MDGA2: variants seen among roughly 807,000 people sequenced by gnomAD.
MDGA2 encodes MAM domain containing glycosylphosphatidylinositol anchor 2, also known as MAM domain-containing glycosylphosphatidylinositol anchor protein 2.
A neutral mutation model predicts 117.8 loss-of-function variants in MDGA2; 40 were observed. The ratio of observed to expected loss-of-function variants is 0.34; its 90% CI spans 0.26 to 0.44. The LOEUF is 0.44. Ranked by LOEUF, MDGA2 falls within the 20% of genes least tolerant of loss-of-function variation. MDGA2 has a pLI of 1.00. For missense variants in MDGA2, 1,123 were observed against 1,250.6 expected (o/e 0.90, Z 1.54); for synonymous variants, 452 against 439.0 (o/e 1.03, Z -0.37).
intron 1 of MDGA2, among the ~76,000 whole-genome samples, chr14:47,440,611 C>T (rs996206829): frequency 6.6e-6 from 1 of 151,916 alleles, no homozygotes; most frequent in African/African-American, 2.4e-5. Flanking sequence ...CTGGTAGATA[C>T]CATAAAGTAA....
intron 8 of MDGA2, among the ~76,000 whole-genome samples, chr14:46,980,905 T>C (rs1886645364): frequency 6.6e-6 from 1 of 152,220 alleles, no homozygotes; most frequent in Non-Finnish European, 1.5e-5. Flanking sequence ...AAAAATTGTG[T>C]GACTTGCCTC....
chr14:47,336,923 T>C (rs1169183633), intron 1 of MDGA2, among the ~76,000 whole-genome samples: 3 of 152,054 alleles, frequency 2.0e-5, no homozygotes, highest in Non-Finnish European at 4.4e-5. Context: ...CAATGTATGC[T>C]TAATAATTAT....
chr14:47,383,682 G>A (rs888053057), intron 1 of MDGA2, among the ~76,000 whole-genome samples: 11 of 151,958 alleles, frequency 7.2e-5, no homozygotes, highest in Non-Finnish European at 1.2e-4. Context: ...GAGAGTACAG[G>A]CACCTGCCAC....
chr14:47,516,655 GT>G (rs1241107562), intron 1 of MDGA2, among the ~76,000 whole-genome samples: 1 of 152,192 alleles, frequency 6.6e-6, no homozygotes, highest in Non-Finnish European at 1.5e-5. Context: ...CAGCTGCCAT[GT>G]GGGAAGCTGA....
chr14:47,142,570 T>A (rs1184029089), intron 4 of MDGA2, among the ~76,000 whole-genome samples: 1 of 152,178 alleles, frequency 6.6e-6, no homozygotes, highest in Non-Finnish European at 1.5e-5. Context: ...GGAAAACATG[T>A]TTTCTAAATC....
rs116803721 is a variant in MDGA2, at chr14:47,566,158, G to A, written c.280+108359C>T. On this transcript the variant is annotated intron_variant, in intron 1 of 16. Transcript: ENST00000399232. ...AGTGTGTGCCAGTGAAGTAACACGG[G>A]CAGCTGTGGTGGAAGAAGGACATGT... Among the ~76,000 whole-genome samples the A allele has an allele frequency of 8.3e-3, 1,258 of 152,344 alleles. 14 individuals are homozygous for A. Among genetic ancestry groups the A allele is most frequent in the African/African-American group, 0.028 (1,173 of 41,582 alleles).
intron 7 of MDGA2, among the ~76,000 whole-genome samples, chr14:47,060,095 T>A (rs991012169): frequency 2.5e-4 from 38 of 152,136 alleles, no homozygotes; most frequent in African/African-American, 6.3e-4. Flanking sequence ...AGAATTTTTT[T>A]AAAAATGTTT....
Position 46,840,901 on chromosome 14 carries a change from T to G in MDGA2, c.*1030A>C, listed in dbSNP as rs368110846. On this transcript the variant is annotated 3_prime_UTR_variant, in exon 17 of 17. Transcript: ENST00000399232. ...TAATGGACAATAAGCCGAAAGGCCA[T>G]GGCTGTCTAGGAGGTTAAACAACAA... is the stretch of plus-strand genomic sequence containing the variant. 6.6e-6 allele frequency: 1 copy of G among 152,608 alleles called. No homozygotes were observed. Among genetic ancestry groups the G allele is most frequent in the African/African-American group, 2.4e-5 (1 of 41,456 alleles). The allele number at this position is 152,608 out of a possible 1,614,324, so 9.5% of individuals were successfully genotyped here.
At chr14:47,043,261 C>G (rs184636018) in intron 7 of MDGA2, among the ~76,000 whole-genome samples, 1 of 151,958 alleles carries the variant, frequency 6.6e-6, no homozygotes, top group Non-Finnish European at 1.5e-5. Context: ...AGGCAACACA[C>G]GGTTTGATGG....
intron 7 of MDGA2, among the ~76,000 whole-genome samples, chr14:47,039,948 G>A (rs1594555608): frequency 6.6e-6 from 1 of 151,934 alleles, no homozygotes; most frequent in East Asian, 1.9e-4. Context: ...TGCAAGATAA[G>A]GAATATGTTA....
chr14:47,666,100 G>C (rs1897953148), intron 1 of MDGA2, among the ~76,000 whole-genome samples: 1 of 152,058 alleles, frequency 6.6e-6, no homozygotes, highest in African/African-American at 2.4e-5. Context: ...TCTGTATCTA[G>C]CTCAAGGTTT....
Position 47,575,520 on chromosome 14 carries a change from G to A in MDGA2, c.280+98997C>T, listed in dbSNP as rs148638429. On this transcript the variant is annotated intron_variant, in intron 1 of 16. Transcript: ENST00000399232. ...ACTTGGAACTGCTGATTGACTGGCC[G>A]AACATGCTGACTATTAATACAAGTT... is the stretch of plus-strand genomic sequence containing the variant. Among the ~76,000 whole-genome samples, 69 of 152,248 alleles carry A rather than the reference G, an allele frequency of 4.5e-4. 1 individual carries two copies. The East Asian group carries it at 0.01, about 23-fold the overall frequency.
At chr14:47,449,734 C>A (rs887130303) in intron 1 of MDGA2, among the ~76,000 whole-genome samples, 1 of 152,062 alleles carries the variant, frequency 6.6e-6, no homozygotes. Flanking sequence ...AGAGCAAAAG[C>A]AAAGCTACCT....
chr14:46,983,291 T>C (rs1021282302), intron 8 of MDGA2, among the ~76,000 whole-genome samples: 103 of 152,282 alleles, frequency 6.8e-4, no homozygotes, highest in African/African-American at 2.4e-3. Context: ...TAGCTGAATC[T>C]CTCTAATATT....
At chr14:47,122,647 G>A (rs145456912) in intron 5 of MDGA2, among the ~76,000 whole-genome samples, 4 of 152,120 alleles carry the variant, frequency 2.6e-5, no homozygotes, top group Non-Finnish European at 5.9e-5. Context: ...TGATCATGGA[G>A]CTATTCTAAG....
intron 14 of MDGA2, among the ~76,000 whole-genome samples, chr14:46,873,167 G>T (rs1198183928): frequency 6.6e-6 from 1 of 151,848 alleles, no homozygotes. Context: ...CATGAGACCT[G>T]GTAAAGAATT....
intron 1 of MDGA2, among the ~76,000 whole-genome samples, chr14:47,555,798 G>T (rs1295130582): frequency 1.3e-5 from 2 of 151,872 alleles, no homozygotes; most frequent in Non-Finnish European, 2.9e-5. Context: ...TATCCATCTC[G>T]ACCCTTTGGT....
chr14:47,229,423 A>T (rs1206887883), intron 2 of MDGA2, among the ~76,000 whole-genome samples: 2 of 152,116 alleles, frequency 1.3e-5, no homozygotes, highest in East Asian at 1.9e-4. Context: ...GACAGAATTG[A>T]TGCTTATCTT....
At chr14:47,018,733 GAAAAAAAAAA>G (rs60442845) in intron 8 of MDGA2, among the ~76,000 whole-genome samples, 1,050 of 38,650 alleles carry the variant, frequency 0.027, 17 homozygotes, top group Admixed American at 0.044. Context: ...CCATTTTACT[GAAAAAAAAAA>G]AAAAAAAAAA....
Sources: allele counts gnomAD v4.1 joint callset (sites outside exome capture counted in the v4.1 genomes callset), GRCh38; gene constraint gnomAD v4.1.1; transcripts MANE v1.5; gene names NCBI Gene and HGNC (gene_info 2026-07-23, HGNC 2026-07-21).